The following PTPRA variants were observed in gnomAD, a reference collection of about 807,000 sequenced individuals.
PTPRA encodes receptor-type tyrosine-protein phosphatase alpha.
In PTPRA, 25 loss-of-function variants were observed where a neutral mutation model predicts 104.8. The observed-to-expected ratio is 0.24, with a 90% CI of 0.17 to 0.33. The LOEUF is 0.33. Among genes scored for constraint, PTPRA ranks in the 10% least tolerant of loss-of-function variants. The pLI is 1.00. For synonymous variants in PTPRA, 323 were observed against 368.9 expected (o/e 0.88, Z 1.43); for missense variants, 765 against 1,015.3 (o/e 0.75, Z 3.35).
intron 17 of PTPRA, 83 bp downstream of exon 17, chr20:3,024,704 C>A: frequency 6.6e-7 from 1 of 1,524,236 alleles, no homozygotes; most frequent in Non-Finnish European, 9.0e-7. Flanking sequence ...GTGCATTTGC[C>A]AACAGTAAAT....
intron 6 of PTPRA, among the ~76,000 whole-genome samples, chr20:2,976,087 C>G (rs563624463): frequency 2.0e-5 from 3 of 152,244 alleles, no homozygotes; most frequent in Admixed American, 2.0e-4. Context: ...GTACTCTCTT[C>G]CTTTATGTGA....
At chr20:2,969,590 CATGCCT>C (rs1350787616) in intron 5 of PTPRA, among the ~76,000 whole-genome samples, 106 of 139,868 alleles carry the variant, frequency 7.6e-4, no homozygotes, top group Non-Finnish European at 1.3e-3. Flanking sequence ...CGCGGCGGCT[CATGCCT>C]GTAATCCCAG....
chr20:2,932,543 G>A (rs1568658925), intron 2 of PTPRA, among the ~76,000 whole-genome samples: 1 of 152,166 alleles, frequency 6.6e-6, no homozygotes, highest in Non-Finnish European at 1.5e-5. Flanking sequence ...AAGAACATGG[G>A]CAGTAGCCTT....
chr20:2,874,348 A>T (rs571836412), intron 1 of PTPRA, among the ~76,000 whole-genome samples: 89 of 151,978 alleles, frequency 5.9e-4, no homozygotes, highest in Non-Finnish European at 1.0e-3. Context: ...TAAATAAAAA[A>T]TTTTTTTTGA....
chr20:3,021,776 C>T (rs999480862), intron 14 of PTPRA, among the ~76,000 whole-genome samples: 5 of 152,232 alleles, frequency 3.3e-5, no homozygotes, highest in Non-Finnish European at 7.3e-5. Context: ...ATGGGCCTGC[C>T]CCTGGCCCTC....
At chr20:2,875,874 G>C (rs536496356) in intron 1 of PTPRA, among the ~76,000 whole-genome samples, 22 of 152,132 alleles carry the variant, frequency 1.4e-4, no homozygotes, top group African/African-American at 5.3e-4. Context: ...TTCCTGGGAC[G>C]GGGGGGCCTT....
intron 16 of PTPRA, 125 bp from the exon 17 acceptor site, chr20:3,024,347 G>A (rs1412966882): frequency 3.0e-6 from 3 of 1,008,580 alleles, no homozygotes; most frequent in Non-Finnish European, 4.4e-6. Flanking sequence ...ATAAGAGGGA[G>A]TCCTTTTATT....
At position 3,037,537 on chromosome 20, in the gene PTPRA, A is replaced by C. The variant is rs1336623150; in HGVS notation, c.2334+248A>C. On this transcript the variant is annotated intron_variant, in intron 23 of 23. Coordinates refer to ENST00000399903, the MANE Select transcript of PTPRA (RefSeq NM_001385305.1). The surrounding 1 kb of genome is among the most constrained non-coding windows in gnomAD (Gnocchi z 4.3). Reference sequence around the variant, plus strand: ...GGTGTCTGGGTGCCCCACAGGGCTCATCTGTACTTCTCTGTGGGTCTTGGG... The same window carrying C: ...GGTGTCTGGGTGCCCCACAGGGCTCCTCTGTACTTCTCTGTGGGTCTTGGG... Among the ~76,000 whole-genome samples the C allele has an allele frequency of 6.6e-6, 1 of 152,202 alleles. No individual in the cohort carries two copies. The highest frequency in any genetic ancestry group is 1.5e-5 in the Non-Finnish European group (1 of 68,038).
the PTPRA span, among the ~76,000 whole-genome samples, chr20:2,868,391 T>G: frequency 6.8e-6 from 1 of 146,464 alleles, no homozygotes; most frequent in Admixed American, 7.0e-5. Context: ...TTTAAACTCC[T>G]GAGCTCAAGC....
chr20:3,002,013 G>A (rs1042564007), intron 9 of PTPRA, among the ~76,000 whole-genome samples: 5 of 152,054 alleles, frequency 3.3e-5, no homozygotes, highest in African/African-American at 1.2e-4. Flanking sequence ...GTGGTGCTGT[G>A]CCTGTAGTCC....
intron 1 of PTPRA, among the ~76,000 whole-genome samples, chr20:2,886,626 C>G (rs1344414013): frequency 1.3e-5 from 2 of 151,442 alleles, no homozygotes; most frequent in Non-Finnish European, 2.9e-5. Context: ...GGGCGGATCA[C>G]CTGAGGTTGG....
Position 3,022,343 on chromosome 20 carries a change from C to T in PTPRA, c.1328+123C>T. ...CAGAGTAGATGACCTACTGGGGCACCAGCGCAACAGCCAGAGACTCCAAGT... is the reference window on the plus strand; with the variant it reads ...CAGAGTAGATGACCTACTGGGGCACTAGCGCAACAGCCAGAGACTCCAAGT... On this transcript the variant is annotated intron_variant, in intron 15 of 23. Coordinates refer to ENST00000399903, the MANE Select transcript of PTPRA (RefSeq NM_001385305.1). The surrounding 1 kb of genome is among the most constrained non-coding windows in gnomAD (Gnocchi z 4.6). 1 of 1,242,898 alleles carries T rather than the reference C, an allele frequency of 8.0e-7. No individual in the cohort carries two copies. Among genetic ancestry groups the T allele is most frequent in the Non-Finnish European group, 1.1e-6 (1 of 890,062 alleles). The allele number at this position is 1,242,898 out of a possible 1,614,324, so 77.0% of individuals were successfully genotyped here.
intron 2 of PTPRA, among the ~76,000 whole-genome samples, chr20:2,939,752 C>G (rs1447319578): frequency 1.3e-5 from 2 of 152,162 alleles, no homozygotes; most frequent in Non-Finnish European, 2.9e-5. Context: ...CTTCTTTTTT[C>G]TACTTTTCAG....
Position 2,964,259 on chromosome 20 carries a change from C to T in PTPRA, c.-6-13C>T, listed in dbSNP as rs747559771. On this transcript the variant is annotated splice_polypyrimidine_tract_variant and intron_variant, in intron 3 of 23. Transcript: ENST00000399903. ...ATATAGGACCTCATCTAACATGACTCCCTATTTTCCAGATAAGCATGGATT... is the reference window on the plus strand; with the variant it reads ...ATATAGGACCTCATCTAACATGACTTCCTATTTTCCAGATAAGCATGGATT... The T allele has an allele frequency of 1.3e-6, 2 of 1,595,918 alleles. No individual in the cohort carries two copies. Among genetic ancestry groups the T allele is most frequent in the Admixed American group, 1.7e-5 (1 of 58,558 alleles).
Position 2,965,128 on chromosome 20 carries a change from CG to C in PTPRA, c.343del (p.Asp115MetfsTer41). ...NGTWLPDNQF[T>X]DARTEPWEGN... ...ACGTGGCTTCCAGATAACCAGTTCACGGATGCCAGAACAGAACCCTGGGAGG... is the reference window on the plus strand; with the variant it reads ...ACGTGGCTTCCAGATAACCAGTTCACGATGCCAGAACAGAACCCTGGGAGG... On this transcript the variant is annotated frameshift_variant, in exon 5 of 24. Transcript: ENST00000399903. LOFTEE classifies it high-confidence loss of function. The C allele has an allele frequency of 6.2e-7, 1 of 1,614,162 alleles. No individual in the cohort carries two copies. The highest frequency in any genetic ancestry group is 8.5e-7 in the Non-Finnish European group (1 of 1,180,016).
chr20:2,892,289 CAAAAAAAAAAAAA>C lies in PTPRA; in HGVS notation c.-129+18538_-129+18550del, dbSNP rs34741114. Reference sequence around the variant, plus strand: ...TGGGCAACAGAATGAGACTCTGTCTCAAAAAAAAAAAAAAAAAAAAAGAAGAGAGGGCCAACTG... The same window carrying C: ...TGGGCAACAGAATGAGACTCTGTCTCAAAAAAAAGAAGAGAGGGCCAACTG... On this transcript the variant is annotated intron_variant, in intron 1 of 23. Coordinates refer to ENST00000399903, the MANE Select transcript of PTPRA (RefSeq NM_001385305.1). Among the ~76,000 whole-genome samples, 10 of 80,554 alleles carry C rather than the reference CAAAAAAAAAAAAA, an allele frequency of 1.2e-4. No homozygotes were observed. The East Asian group carries it at 3.3e-3, about 26-fold the overall frequency. 52.8% of individuals were successfully genotyped at this position (80,554 alleles called of 152,430 possible).
chr20:2,903,473 G>T (rs1479284688), intron 1 of PTPRA, among the ~76,000 whole-genome samples: 1 of 152,130 alleles, frequency 6.6e-6, no homozygotes, highest in Non-Finnish European at 1.5e-5. Context: ...ATTGCTTAAG[G>T]CTAGGAGTTC....
chr20:3,006,379 G>A (rs1011474392), intron 10 of PTPRA, among the ~76,000 whole-genome samples: 1 of 152,072 alleles, frequency 6.6e-6, no homozygotes, highest in Non-Finnish European at 1.5e-5. Context: ...GGGTCTTGCT[G>A]TGTTACCCAG....
chr20:2,949,213 T>C (rs2061266514), intron 3 of PTPRA, among the ~76,000 whole-genome samples: 1 of 152,058 alleles, frequency 6.6e-6, no homozygotes, highest in African/African-American at 2.4e-5. Context: ...AGTGGCTATT[T>C]TTGCTAGGGT....
Sources: allele counts gnomAD v4.1 joint callset (sites outside exome capture counted in the v4.1 genomes callset), GRCh38; gene constraint gnomAD v4.1.1; non-coding constraint Gnocchi (gnomAD v3.1); transcripts MANE v1.5; gene names NCBI Gene and HGNC (gene_info 2026-07-23, HGNC 2026-07-21).